PCDHA2: variants seen among roughly 807,000 people sequenced by gnomAD.
The protein encoded by PCDHA2 is protocadherin alpha-2.
PCDHA2 carries 58 observed loss-of-function variants against 66.0 expected under a neutral mutation model. The observed-to-expected ratio is 0.88, with a 90% CI of 0.71 to 1.09. The LOEUF is 1.09. Ranked by LOEUF, PCDHA2 falls within the 50% of genes least tolerant of loss-of-function variation. The pLI is 0.00. For missense variants in PCDHA2, 1,267 were observed against 1,242.3 expected (o/e 1.02, Z -0.30); for synonymous variants, 634 against 554.0 (o/e 1.14, Z -2.03).
At chr5:140,913,160 G>A (rs1437493261) in intron 1 of PCDHA2, among the ~76,000 whole-genome samples, 2 of 152,274 alleles carry the variant, frequency 1.3e-5, no homozygotes, top group East Asian at 3.9e-4. Flanking sequence ...AGTAGGATTG[G>A]TATTAGTTCT....
intron 1 of PCDHA2, chr5:140,807,327 G>A (rs199939862): frequency 6.2e-7 from 1 of 1,613,720 alleles, no homozygotes; most frequent in Non-Finnish European, 8.5e-7. Context: ...TTCGTGGGCC[G>A]CATCGCGCAG....
intron 1 of PCDHA2, chr5:140,966,570 G>A: frequency 2.0e-6 from 1 of 501,774 alleles, no homozygotes; most frequent in Non-Finnish European, 3.3e-6. Context: ...GGAATATGGG[G>A]AGTCAGCGAG....
intron 1 of PCDHA2, chr5:140,829,367 A>G (rs1190991665): frequency 3.7e-6 from 6 of 1,614,046 alleles, no homozygotes; most frequent in Non-Finnish European, 5.1e-6. Context: ...GTTGGTGGTA[A>G]CCGCGCGGGA....
intron 1 of PCDHA2, among the ~76,000 whole-genome samples, chr5:140,938,996 A>C (rs1212565184): frequency 2.6e-5 from 4 of 152,206 alleles, no homozygotes; most frequent in Non-Finnish European, 4.4e-5. Context: ...TTATATAGTA[A>C]GTTAAGAAGT....
intron 1 of PCDHA2, among the ~76,000 whole-genome samples, chr5:140,918,586 G>A (rs2078766446): frequency 6.6e-6 from 1 of 152,188 alleles, no homozygotes; most frequent in South Asian, 2.1e-4. Context: ...TTGGCTATAT[G>A]TTCTATAGAT....
intron 1 of PCDHA2, chr5:140,876,387 T>C (rs2056316391): frequency 6.2e-7 from 1 of 1,613,830 alleles, no homozygotes; most frequent in Admixed American, 1.7e-5. Flanking sequence ...TTAGAATTTA[T>C]GGTGAACTGG....
intron 1 of PCDHA2, chr5:140,804,821 G>T (rs543523622): frequency 1.4e-5 from 5 of 370,086 alleles, no homozygotes; most frequent in Non-Finnish European, 2.4e-5. Flanking sequence ...ACTGAAACCT[G>T]GTTAATACTC....
intron 1 of PCDHA2, chr5:140,862,550 G>C: frequency 2.2e-6 from 1 of 458,462 alleles, no homozygotes. Flanking sequence ...GGAAGTGGCC[G>C]AACAGTGAAC....
At position 140,795,544 on chromosome 5, in the gene PCDHA2, C is replaced by G; in HGVS notation, c.580C>G (p.Leu194Val). The G allele has an allele frequency of 6.2e-7, 1 of 1,614,172 alleles. No individual in the cohort carries two copies. Among genetic ancestry groups the G allele is most frequent in the Non-Finnish European group, 8.5e-7 (1 of 1,180,026 alleles). ...ANDELSESLS[L>V]VLGKSLDREE... ...TGATGAACTAAGCGAATCTTTGTCT[C>G]TCGTGCTGGGGAAATCGCTGGACAG... The change falls in exon 1 of 4, where the codon CTC (leucine) becomes GTC (valine). Residue 194 changes from leucine (L) to valine (V), a missense_variant. By Grantham distance (32) the Leu-to-Val change is conservative. Transcript: ENST00000526136.
At chr5:140,932,145 C>G (rs1231469475) in intron 1 of PCDHA2, among the ~76,000 whole-genome samples, 2 of 151,710 alleles carry the variant, frequency 1.3e-5, no homozygotes, top group African/African-American at 4.8e-5. Context: ...AAAATTGATT[C>G]ACTGATTGTA....
intron 1 of PCDHA2, chr5:140,870,420 G>T (rs371557347): frequency 1.4e-5 from 23 of 1,614,116 alleles, no homozygotes; most frequent in Non-Finnish European, 1.9e-5. Flanking sequence ...CCACGGCCAG[G>T]GTATCCGTGG....
chr5:140,830,263 G>C (rs2150183711), intron 1 of PCDHA2: 3 of 1,613,640 alleles, frequency 1.9e-6, no homozygotes, highest in Non-Finnish European at 2.5e-6. Context: ...TGCGGTGCTC[G>C]GCGCCACCCA....
chr5:140,928,637 A>C (rs781828981), intron 1 of PCDHA2: 1 of 1,614,202 alleles, frequency 6.2e-7, no homozygotes, highest in South Asian at 1.1e-5. Context: ...TTGGTCACAA[A>C]AGTGGTAGCA....
intron 1 of PCDHA2, chr5:140,928,551 G>A (rs782615304): frequency 2.5e-6 from 4 of 1,614,044 alleles, no homozygotes; most frequent in Non-Finnish European, 2.5e-6. Context: ...ACAATTATCC[G>A]GTTATCTTGT....
intron 1 of PCDHA2, among the ~76,000 whole-genome samples, chr5:140,924,901 A>AAAAAAAATAAAT (rs369245222): frequency 1.2e-5 from 1 of 80,456 alleles, no homozygotes; most frequent in Non-Finnish European, 2.7e-5. Flanking sequence ...TCTCAAAAAA[A>AAAAAAAATAAAT]AAAATAAAAT....
chr5:140,877,737 G>A, intron 1 of PCDHA2: 6 of 1,614,176 alleles, frequency 3.7e-6, no homozygotes, highest in Non-Finnish European at 5.1e-6. Flanking sequence ...AGCAGAGGAG[G>A]CAGAGGGTGT....
At chr5:140,926,018 G>C (rs1489789521) in intron 1 of PCDHA2, among the ~76,000 whole-genome samples, 1 of 152,122 alleles carries the variant, frequency 6.6e-6, no homozygotes, top group Non-Finnish European at 1.5e-5. Context: ...CCAGAGTCCG[G>C]AGGCAGTTTG....
At chr5:140,960,346 T>A (rs782732587) in intron 1 of PCDHA2, among the ~76,000 whole-genome samples, 21 of 152,174 alleles carry the variant, frequency 1.4e-4, no homozygotes, top group Admixed American at 2.6e-4. Context: ...AGGTGAGATA[T>A]GTACTGAAAT....
intron 1 of PCDHA2, chr5:140,808,322 A>G (rs1226675581): frequency 6.2e-7 from 1 of 1,614,108 alleles, no homozygotes; most frequent in Admixed American, 1.7e-5. Context: ...CGACAAAGAC[A>G]TGGGTGTCAA....
Sources: gnomAD v4.1 joint callset for allele counts (sites outside exome capture counted in the v4.1 genomes callset) on GRCh38, gnomAD v4.1.1 for gene constraint, MANE v1.5 for transcripts, NCBI Gene and HGNC (gene_info 2026-07-23, HGNC 2026-07-21) for gene names.